The following CLIC2 variants were observed in gnomAD, a reference collection of about 807,000 sequenced individuals.
CLIC2 encodes chloride intracellular channel protein 2.
In CLIC2, 9 loss-of-function variants were observed where a neutral mutation model predicts 14.8. The observed-to-expected ratio is 0.61, with a 90% confidence interval of 0.37 to 1.06. CLIC2 has a LOEUF of 1.06. Ranked by LOEUF, CLIC2 falls within the 50% of genes least tolerant of loss-of-function variation. The pLI, the probability that CLIC2 is intolerant of heterozygous loss-of-function variation, is 0.01. For synonymous variants in CLIC2, 61 were observed against 66.3 expected (o/e 0.92, Z 0.39); for missense variants, 148 against 181.4 (o/e 0.82, Z 1.06).
At chrX:155,280,445 C>G (rs932144848) in intron 3 of CLIC2, among the ~76,000 whole-genome samples, 3 of 111,832 alleles carry the variant, frequency 2.7e-5, no homozygotes, top group Non-Finnish European at 5.6e-5. Flanking sequence ...GTAATCCCAG[C>G]ACTGTGGGAG....
At chrX:155,280,171 C>T in intron 3 of CLIC2, 103 bp from the exon 4 acceptor site, 1 of 555,770 alleles carries the variant, frequency 1.8e-6, no homozygotes. Flanking sequence ...GAACATTGTG[C>T]TGGAAACTAA....
At chrX:155,295,685 C>T (rs1397315233) in intron 3 of CLIC2, among the ~76,000 whole-genome samples, 1 of 111,205 alleles carries the variant, frequency 9.0e-6, no homozygotes, top group Non-Finnish European at 1.9e-5. Context: ...AGGTTAAAAA[C>T]ATCAACACTA....
chrX:155,280,165 A>T (rs1557316279), intron 3 of CLIC2, 97 bp from the exon 4 acceptor site: 1 of 572,277 alleles, frequency 1.7e-6, no homozygotes, highest in Non-Finnish European at 3.0e-6. Context: ...GTTCTGGAAC[A>T]TTGTGCTGGA....
At position 155,312,722 on chromosome X, in the gene CLIC2, T is replaced by C. The variant is rs782657294; in HGVS notation, c.58-13577A>G. ...GTGAAGAATGTCATTGGTAGTTTGA[T>C]AGGAATAGCATTGAATCTATAGATT... On this transcript the variant is annotated intron_variant, in intron 1 of 5. Transcript: ENST00000369449. Among the ~76,000 whole-genome samples the C allele has an allele frequency of 3.6e-5, 4 of 111,979 alleles. No homozygotes were observed. The South Asian group carries it at 1.1e-3, about 31-fold the overall frequency.
chrX:155,310,258 C>A (rs1304603563), intron 1 of CLIC2: 2 of 141,099 alleles, frequency 1.4e-5, no homozygotes, highest in Non-Finnish European at 2.8e-5. Flanking sequence ...TAAGGTTTAG[C>A]TTAGGTGTCT....
chrX:155,311,461 C>T (rs868972443), intron 1 of CLIC2, among the ~76,000 whole-genome samples: 59 of 111,617 alleles, frequency 5.3e-4, no homozygotes, highest in African/African-American at 1.8e-3. Flanking sequence ...TCTGAGACCA[C>T]CTCAGCCTGT....
chrX:155,292,553 G>A (rs1479099037), intron 3 of CLIC2: 61 of 425,815 alleles, frequency 1.4e-4, no homozygotes, highest in Non-Finnish European at 2.2e-4. Context: ...GGCAGATCAC[G>A]AGGTCAGGAG....
At chrX:155,281,839 C>T (rs2074920746) in intron 3 of CLIC2, among the ~76,000 whole-genome samples, 1 of 111,328 alleles carries the variant, frequency 9.0e-6, no homozygotes, top group African/African-American at 3.3e-5. Flanking sequence ...ATGTCCTCAT[C>T]TCAGAGTTAG....
intron 3 of CLIC2, chrX:155,293,107 G>A: frequency 3.2e-6 from 2 of 618,578 alleles, no homozygotes; most frequent in Non-Finnish European, 5.7e-6. Context: ...CGGCGAAGAT[G>A]GTTGAGGTGA....
chrX:155,294,871 G>A (rs183393546), intron 3 of CLIC2, among the ~76,000 whole-genome samples: 26 of 111,653 alleles, frequency 2.3e-4, no homozygotes, highest in Non-Finnish European at 4.7e-4. Context: ...TAGCAAGATT[G>A]AGTCAGTAAT....
intron 1 of CLIC2, among the ~76,000 whole-genome samples, chrX:155,315,146 C>T (rs1354944797): frequency 1.8e-5 from 2 of 112,141 alleles, no homozygotes; most frequent in African/African-American, 6.5e-5. Context: ...AATTGATGTT[C>T]CCAAGGAAGA....
chrX:155,297,568 C>T (rs1349986101), intron 3 of CLIC2, among the ~76,000 whole-genome samples: 1 of 105,371 alleles, frequency 9.5e-6, no homozygotes, highest in Non-Finnish European at 1.9e-5. Context: ...TCAGGCCAGG[C>T]GCAGTGGCTC....
At chrX:155,309,895 T>G (rs1336644826) in intron 1 of CLIC2, among the ~76,000 whole-genome samples, 1 of 111,651 alleles carries the variant, frequency 9.0e-6, no homozygotes, top group African/African-American at 3.3e-5. Flanking sequence ...TCAAAACCAA[T>G]TATGCCATCC....
At position 155,291,979 on chromosome X, in the gene CLIC2, G is replaced by A. The variant is rs782780729; in HGVS notation, c.293+6806C>T. ...ACAGCGACCCAGCCACCCCCGGAGC[G>A]CAGTCCTCGAAGGATGAAATTGAAG... On this transcript the variant is annotated intron_variant, in intron 3 of 5. Transcript: ENST00000369449. Among the ~76,000 whole-genome samples, 88 of 112,239 alleles carry A rather than the reference G, an allele frequency of 7.8e-4. 2 individuals are homozygous for A. The highest frequency in any genetic ancestry group is 4.3e-4 in the Non-Finnish European group (23 of 53,243).
At chrX:155,297,052 A>C (rs781932195) in intron 3 of CLIC2, among the ~76,000 whole-genome samples, 2 of 112,305 alleles carry the variant, frequency 1.8e-5, no homozygotes, top group East Asian at 5.6e-4. Flanking sequence ...AAGGTATGGA[A>C]TCGATCTAAG....
intron 1 of CLIC2, among the ~76,000 whole-genome samples, chrX:155,308,927 AG>A (rs782047532): frequency 5.4e-5 from 6 of 111,965 alleles, no homozygotes; most frequent in Admixed American, 9.5e-5. Flanking sequence ...TACTTCAATC[AG>A]AAAAAAAATA....
At chrX:155,318,315 T>C (rs781840865) in intron 1 of CLIC2, among the ~76,000 whole-genome samples, 1 of 111,756 alleles carries the variant, frequency 8.9e-6, no homozygotes, top group South Asian at 3.7e-4. Context: ...CTCTAAAGAC[T>C]CATCCAAAAA....
At chrX:155,289,236 A>G (rs2074954239) in intron 3 of CLIC2, among the ~76,000 whole-genome samples, 1 of 111,824 alleles carries the variant, frequency 8.9e-6, no homozygotes, top group Non-Finnish European at 1.9e-5. Flanking sequence ...TAAATTACAA[A>G]TCCTGGATCC....
chrX:155,306,150 A>T, intron 1 of CLIC2, among the ~76,000 whole-genome samples: 1 of 112,054 alleles, frequency 8.9e-6, no homozygotes, highest in Non-Finnish European at 1.9e-5. Flanking sequence ...GTTGAAATGT[A>T]ATCTCCAATG....
Sources: allele counts gnomAD v4.1 joint callset (sites outside exome capture counted in the v4.1 genomes callset), GRCh38; gene constraint gnomAD v4.1.1; transcripts MANE v1.5; gene names NCBI Gene and HGNC (gene_info 2026-07-23, HGNC 2026-07-21).